ARHGEF7: variants seen among roughly 807,000 people sequenced by gnomAD.
ARHGEF7 encodes Rho guanine nucleotide exchange factor 7.
ARHGEF7 carries 33 observed loss-of-function variants against 109.8 expected under a neutral mutation model. The observed-to-expected ratio is 0.30, with a 90% CI of 0.23 to 0.40. The LOEUF (loss-of-function observed/expected upper bound fraction) is 0.40, where lower values mean the gene tolerates loss of function less well. ARHGEF7 is among the 10% of genes least tolerant of loss of function. The probability of loss-of-function intolerance (pLI) is 1.00; values close to 1 mark genes in which losing one functional copy is unlikely to be tolerated. For synonymous variants in ARHGEF7, 458 were observed against 424.6 expected (o/e 1.08, Z -0.97); for missense variants, 938 against 1,098.5 (o/e 0.85, Z 2.07).
chr13:111,176,383 G>T (rs1345678694), intron 2 of ARHGEF7, among the ~76,000 whole-genome samples: 2 of 152,230 alleles, frequency 1.3e-5, no homozygotes, highest in African/African-American at 4.8e-5. Context: ...AATTGTGCGT[G>T]ATGTGCCTCT....
At position 111,239,752 on chromosome 13, in the gene ARHGEF7, A is replaced by G. The variant is rs932368291; in HGVS notation, c.760-4120A>G. On this transcript the variant is annotated intron_variant, in intron 6 of 21. Transcript: ENST00000646102. The surrounding 1 kb of genome is among the most constrained non-coding windows in gnomAD (Gnocchi z 4.3). ...CTGGCTTCTTTCACACCTGGCTCCC[A>G]TTGTTTTTCATGGGATTTCCTTGCT... Among the ~76,000 whole-genome samples, 1 of 151,860 alleles carries G rather than the reference A, an allele frequency of 6.6e-6. No individual in the cohort carries two copies. Among genetic ancestry groups the G allele is most frequent in the Non-Finnish European group, 1.5e-5 (1 of 67,992 alleles).
chr13:111,281,568 G>T (rs1026150881), intron 15 of ARHGEF7, among the ~76,000 whole-genome samples: 1 of 152,150 alleles, frequency 6.6e-6, no homozygotes, highest in African/African-American at 2.4e-5. Context: ...CTACTCATTG[G>T]CTTTTAGCTA....
At chr13:111,221,365 CTATA>C (rs1226254381) in intron 5 of ARHGEF7, among the ~76,000 whole-genome samples, 1 of 11,904 alleles carries the variant, frequency 8.4e-5, no homozygotes, top group Non-Finnish European at 1.9e-4. Context: ...ATATATATAT[CTATA>C]TATATATCTA....
At position 111,244,232 on chromosome 13, in the gene ARHGEF7, A is replaced by G; in HGVS notation, c.888A>G (p.Gly296=). 3.7e-6 allele frequency: 6 copies of G among 1,610,092 alleles called. No homozygotes were observed. Among genetic ancestry groups the G allele is most frequent in the Non-Finnish European group, 4.2e-6 (5 of 1,178,370 alleles). The stretch of plus-strand genomic sequence containing the variant: ...CAGCAAACATTTCATATTTAATGGG[A>G]AATCTAGAAGAAATATGTTCTTTCC... ...LSSANISYLM[G]NLEEICSFQQ... is the part of the protein sequence containing the mutation. Residue 296 remains glycine, a synonymous_variant, in exon 8 of 22, where the codon GGA becomes GGG. Transcript: ENST00000646102.
intron 2 of ARHGEF7, among the ~76,000 whole-genome samples, chr13:111,167,208 T>C (rs1266724189): frequency 2.0e-5 from 3 of 152,216 alleles, no homozygotes. Context: ...TGTGGTCATA[T>C]AGCGTGAAAG....
intron 4 of ARHGEF7, among the ~76,000 whole-genome samples, chr13:111,216,827 T>G (rs1027010405): frequency 3.9e-5 from 6 of 152,184 alleles, no homozygotes; most frequent in African/African-American, 9.7e-5. Context: ...CTTTGGTAGT[T>G]CTGCATCTCC....
At chr13:111,143,285 G>A (rs1016403783) in intron 1 of ARHGEF7, among the ~76,000 whole-genome samples, 1 of 152,182 alleles carries the variant, frequency 6.6e-6, no homozygotes, top group South Asian at 2.1e-4. Context: ...ACATGACCCT[G>A]CCTCATTTTG....
chr13:111,269,021 G>A (rs1319878416), intron 9 of ARHGEF7, among the ~76,000 whole-genome samples: 1 of 152,238 alleles, frequency 6.6e-6, no homozygotes, highest in Non-Finnish European at 1.5e-5. Context: ...AGGAAAGGAA[G>A]TTAGAACTCA....
rs137980937 is a variant in ARHGEF7, at chr13:111,277,764, A to C, written c.1506+91A>C. 202 of 874,108 alleles carry C rather than the reference A, an allele frequency of 2.3e-4. No individual in the cohort carries two copies. In the African/African-American group the frequency reaches 2.9e-3, roughly 13 times the overall value. 54.1% of individuals were successfully genotyped at this position (874,108 alleles called of 1,614,324 possible). On this transcript the variant is annotated intron_variant, in intron 13 of 21. Transcript: ENST00000646102. ...TTTGTGTTAAATATTACGTGTATCT[A>C]TCTGTGTATGTGCTGTGTGTGTAGT...
chr13:111,274,697 A>T (rs116440231), intron 10 of ARHGEF7, 34 bp from the exon 11 acceptor site: 1 of 1,329,796 alleles, frequency 7.5e-7, no homozygotes, highest in South Asian at 1.5e-5. Context: ...GCTTTTCCTT[A>T]TGAAAGCTAA....
Position 111,303,094 on chromosome 13 carries a change from G to T in ARHGEF7, c.2570G>T (p.Trp857Leu). 6.2e-7 allele frequency: 1 copy of T among 1,613,850 alleles called. No homozygotes were observed. Among genetic ancestry groups the T allele is most frequent in the Non-Finnish European group, 8.5e-7 (1 of 1,179,828 alleles). Residue 857 changes from tryptophan to leucine, a missense_variant, in exon 22 of 22, where the codon TGG (tryptophan) becomes TTG (leucine). Physicochemically the swap from Trp to Leu is moderately conservative, Grantham distance 61 (BLOSUM62 -2). Coordinates refer to ENST00000646102, the MANE Select transcript of ARHGEF7 (RefSeq NM_001354046.2). Reference protein sequence around the residue: ...KVLKNMNDPAWDETNL With the variant: ...KVLKNMNDPALDETNL ...CTGAAGAACATGAATGATCCTGCCT[G>T]GGATGAGACCAATCTATAAGGGATG...
intron 2 of ARHGEF7, among the ~76,000 whole-genome samples, chr13:111,178,776 G>A (rs544722755): frequency 1.3e-5 from 2 of 152,344 alleles, no homozygotes; most frequent in East Asian, 3.9e-4. Context: ...TATGCTGAGA[G>A]TTTGAGGGGA....
chr13:111,183,997 T>C (rs959075339), intron 2 of ARHGEF7, among the ~76,000 whole-genome samples: 1 of 152,092 alleles, frequency 6.6e-6, no homozygotes, highest in Non-Finnish European at 1.5e-5. Context: ...GATGGTGTTA[T>C]GGTGTGACTC....
At chr13:111,180,163 C>G (rs2078598228) in intron 2 of ARHGEF7, among the ~76,000 whole-genome samples, 1 of 152,180 alleles carries the variant, frequency 6.6e-6, no homozygotes, top group African/African-American at 2.4e-5. Context: ...TGGTGGGCAT[C>G]TAAGCCCGCA....
At chr13:111,153,219 G>T (rs938875058) in intron 1 of ARHGEF7, among the ~76,000 whole-genome samples, 1 of 152,234 alleles carries the variant, frequency 6.6e-6, no homozygotes, top group South Asian at 2.1e-4. Flanking sequence ...CTCTCCCAAC[G>T]ATCAGGGGTT....
rs140080971 is a variant in ARHGEF7, at chr13:111,194,988, G to T, written c.253-10301G>T. Among the ~76,000 whole-genome samples the T allele has an allele frequency of 4.0e-3, 606 of 152,332 alleles. 6 individuals carry two copies. Among genetic ancestry groups the T allele is most frequent in the African/African-American group, 0.014 (563 of 41,568 alleles). On this transcript the variant is annotated intron_variant, in intron 2 of 21. Transcript: ENST00000646102. ...TTACTGCCTCATTGATGAGTCTAAG[G>T]TCTTGCACTAGTCTCCACTGACGAT...
At position 111,153,953 on chromosome 13, in the gene ARHGEF7, G is replaced by T; in HGVS notation, c.214G>T (p.Glu72Ter). The change falls in exon 2 of 22, where the codon GAG becomes TAG. Residue 72 changes from glutamate (E) to a stop codon, truncating the protein, a stop_gained. Transcript: ENST00000646102. LOFTEE classifies it high-confidence loss of function. ...SESECLSNIREFLRGCGASLR... is the reference protein window; with the variant it reads ...SESECLSNIR The stretch of plus-strand genomic sequence containing the variant: ...GAGCGAGTGCCTGAGCAACATCCGC[G>T]AGTTCCTGCGCGGCTGCGGGGCTTC... 1.2e-6 allele frequency: 2 copies of T among 1,604,812 alleles called. No individual in the cohort carries two copies. The highest frequency in any genetic ancestry group is 1.4e-5 in the African/African-American group (1 of 73,366).
intron 6 of ARHGEF7, 80 bp downstream of exon 6, chr13:111,233,373 G>A (rs768948695): frequency 9.1e-7 from 1 of 1,102,978 alleles, no homozygotes; most frequent in Non-Finnish European, 1.4e-6. Flanking sequence ...GTAGTGTAAA[G>A]TACCTAGAAT....
rs2093360741 is a variant in ARHGEF7, at chr13:111,293,838, T to G, written c.2311+1544T>G. 4 of 985,298 alleles carry G rather than the reference T, an allele frequency of 4.1e-6. No individual in the cohort carries two copies. The South Asian group carries it at 1.9e-4, about 46-fold the overall frequency. The allele number at this position is 985,298 out of a possible 1,614,324, so 61.0% of individuals were successfully genotyped here. A position where few individuals can be genotyped will look rare whatever the true frequency, so the allele number is the denominator to read the frequency against. ...CTGATCTTGTTTGTGCAGAGTGAAC[T>G]CTGATGCAGTATCAGTCTTGTCCTG... On this transcript the variant is annotated intron_variant, in intron 19 of 21. Coordinates refer to ENST00000646102, the MANE Select transcript of ARHGEF7 (RefSeq NM_001354046.2).
Sources: allele counts gnomAD v4.1 joint callset (sites outside exome capture counted in the v4.1 genomes callset), GRCh38; gene constraint gnomAD v4.1.1; non-coding constraint Gnocchi (gnomAD v3.1); transcripts MANE v1.5; gene names NCBI Gene and HGNC (gene_info 2026-07-23, HGNC 2026-07-21).